The following PCCB variants were observed in gnomAD, a reference collection of about 807,000 sequenced individuals.
PCCB encodes the protein propionyl-CoA carboxylase subunit beta, also known as propionyl-CoA carboxylase beta chain, mitochondrial.
A neutral mutation model predicts 60.7 loss-of-function variants in PCCB; 43 were observed. That is an observed-to-expected ratio of 0.71 (90% CI 0.55 to 0.91). PCCB has a LOEUF of 0.91. Among genes scored for constraint, PCCB ranks in the 40% least tolerant of loss-of-function variants. PCCB has a pLI of 0.00. For missense variants in PCCB, 766 were observed against 702.8 expected (o/e 1.09, Z -1.02); for synonymous variants, 276 against 255.9 (o/e 1.08, Z -0.75).
chr3:136,259,436 G>T (rs1364791856), intron 3 of PCCB, among the ~76,000 whole-genome samples: 1 of 152,194 alleles, frequency 6.6e-6, no homozygotes, highest in Non-Finnish European at 1.5e-5. Flanking sequence ...CTGCACTCCA[G>T]CCTGGGTGAC....
At chr3:136,328,893 T>C in intron 14 of PCCB, 36 bp downstream of exon 14, 1 of 1,467,090 alleles carries the variant, frequency 6.8e-7, no homozygotes, top group South Asian at 1.1e-5. Context: ...GCTTTGTTTG[T>C]TTGGTCAACT....
At position 136,300,733 on chromosome 3, in the gene PCCB, C is replaced by T. The variant is rs1934237788; in HGVS notation, c.885-297C>T. On this transcript the variant is annotated intron_variant, in intron 8 of 14. Coordinates refer to ENST00000251654, the MANE Select transcript of PCCB (RefSeq NM_000532.5). ...ATGTCCTTCAGTGCCCTACACGGTA[C>T]CTAGAATGTAGGAGGTATTCAGAGA... is the stretch of plus-strand genomic sequence containing the variant. Among the ~76,000 whole-genome samples the T allele has an allele frequency of 2.6e-5, 4 of 152,084 alleles. 1 individual carries two copies. In the South Asian group the frequency reaches 8.3e-4, roughly 32 times the overall value.
At chr3:136,287,042 A>AT (rs1933446174) in intron 6 of PCCB, among the ~76,000 whole-genome samples, 1 of 151,528 alleles carries the variant, frequency 6.6e-6, no homozygotes, top group African/African-American at 2.4e-5. Flanking sequence ...GAAAAAAAAA[A>AT]AAAAATAATA....
At chr3:136,276,344 T>C (rs1173695974) in intron 5 of PCCB, among the ~76,000 whole-genome samples, 1 of 152,134 alleles carries the variant, frequency 6.6e-6, no homozygotes, top group African/African-American at 2.4e-5. Context: ...TGAAAGTGGC[T>C]GGGGGAACTC....
chr3:136,257,629 C>T (rs1244268766), intron 3 of PCCB, among the ~76,000 whole-genome samples: 1 of 152,138 alleles, frequency 6.6e-6, no homozygotes, highest in Non-Finnish European at 1.5e-5. Flanking sequence ...GGTCTTTTTA[C>T]AGACCTAAAG....
At chr3:136,321,199 T>C (rs535014745) in intron 10 of PCCB, among the ~76,000 whole-genome samples, 4 of 152,168 alleles carry the variant, frequency 2.6e-5, no homozygotes, top group African/African-American at 9.7e-5. Flanking sequence ...TTTAAAAAAA[T>C]AGACTTACAG....
intron 7 of PCCB, among the ~76,000 whole-genome samples, chr3:136,295,872 A>T (rs1361096107): frequency 2.0e-5 from 3 of 152,000 alleles, no homozygotes; most frequent in African/African-American, 7.2e-5. Flanking sequence ...TAAAGTAATG[A>T]ATGTCTGCCC....
chr3:136,272,315 A>G (rs967673177), intron 5 of PCCB, among the ~76,000 whole-genome samples: 5 of 152,036 alleles, frequency 3.3e-5, no homozygotes, highest in Admixed American at 6.5e-5. Context: ...ACTGGTCTGT[A>G]GTTTTCTTTT....
At chr3:136,262,150 C>A in intron 5 of PCCB, 85 bp downstream of exon 5, 1 of 833,270 alleles carries the variant, frequency 1.2e-6, no homozygotes, top group South Asian at 1.4e-5. Flanking sequence ...TCCAACTCTC[C>A]TCATTGTTCT....
intron 14 of PCCB, among the ~76,000 whole-genome samples, chr3:136,329,382 C>T (rs1159082410): frequency 2.0e-5 from 3 of 152,182 alleles, no homozygotes; most frequent in Admixed American, 6.5e-5. Flanking sequence ...GGCTTCCTTA[C>T]ATGGTGTCCC....
intron 7 of PCCB, among the ~76,000 whole-genome samples, chr3:136,296,255 T>C (rs965723712): frequency 1.3e-5 from 2 of 152,188 alleles, no homozygotes; most frequent in African/African-American, 2.4e-5. Context: ...TAGCAGTCAC[T>C]CTGCATTTCA....
Position 136,262,031 on chromosome 3 carries a change from TG to T in PCCB, c.511del (p.Glu171SerfsTer11). ...GGGGGAGCACGGATCCAAGAAGGAG[TG>T]GAGTCTTTGGCTGGCTATGCAGACA... ...DSGGARIQEG[V>X]ESLAGYADIF... On this transcript the variant is annotated frameshift_variant, in exon 5 of 15. Coordinates refer to ENST00000251654, the MANE Select transcript of PCCB (RefSeq NM_000532.5). LOFTEE classifies it high-confidence loss of function. The T allele has an allele frequency of 6.4e-7, 1 of 1,557,206 alleles. No individual in the cohort carries two copies. The highest frequency in any genetic ancestry group is 8.7e-7 in the Non-Finnish European group (1 of 1,149,334).
chr3:136,322,409 A>G (rs1273699206), intron 10 of PCCB, among the ~76,000 whole-genome samples: 1 of 152,108 alleles, frequency 6.6e-6, no homozygotes, highest in Admixed American at 6.6e-5. Flanking sequence ...AGCAATATTG[A>G]GATATAGTTT....
At chr3:136,293,442 ACTT>A (rs1201515829) in intron 6 of PCCB, among the ~76,000 whole-genome samples, 1 of 152,230 alleles carries the variant, frequency 6.6e-6, no homozygotes, top group East Asian at 1.9e-4. Context: ...TGCTTAAAAA[ACTT>A]CTTGGTGCAC....
chr3:136,278,495 G>A (rs976822393), intron 5 of PCCB, among the ~76,000 whole-genome samples: 4 of 152,066 alleles, frequency 2.6e-5, no homozygotes, highest in Non-Finnish European at 5.9e-5. Context: ...GGTGGGGGTG[G>A]AAAAACCAAA....
intron 9 of PCCB, among the ~76,000 whole-genome samples, chr3:136,313,040 G>C (rs1341776371): frequency 1.3e-5 from 2 of 152,112 alleles, no homozygotes; most frequent in African/African-American, 2.4e-5. Context: ...AAATTACACT[G>C]AGTATTTTCT....
At chr3:136,261,749 G>A (rs1405618987) in intron 4 of PCCB, among the ~76,000 whole-genome samples, 1 of 152,120 alleles carries the variant, frequency 6.6e-6, no homozygotes, top group Non-Finnish European at 1.5e-5. Flanking sequence ...GGTGTTTGGG[G>A]GCTTTAATCA....
At chr3:136,322,237 A>AAAG (rs1340060560) in intron 10 of PCCB, among the ~76,000 whole-genome samples, 1 of 152,066 alleles carries the variant, frequency 6.6e-6, no homozygotes, top group Non-Finnish European at 1.5e-5. Flanking sequence ...TTTCTTCTTT[A>AAAG]GACTGTTGAT....
chr3:136,307,414 AGAG>A (rs1375383522), intron 9 of PCCB, among the ~76,000 whole-genome samples: 1 of 151,522 alleles, frequency 6.6e-6, no homozygotes, highest in Non-Finnish European at 1.5e-5. Context: ...TGGGAGGAGA[AGAG>A]AGGGGAAGAA....
Sources: allele counts gnomAD v4.1 joint callset (sites outside exome capture counted in the v4.1 genomes callset), GRCh38; gene constraint gnomAD v4.1.1; transcripts MANE v1.5; gene names NCBI Gene and HGNC (gene_info 2026-07-23, HGNC 2026-07-21).